The following FHAD1 variants were observed in gnomAD, a reference collection of about 807,000 sequenced individuals.
The protein encoded by FHAD1 is forkhead associated phosphopeptide binding domain 1.
A neutral mutation model predicts 191.3 loss-of-function variants in FHAD1; 146 were observed. The ratio of observed to expected loss-of-function variants is 0.76; its 90% CI spans 0.67 to 0.88. The LOEUF (loss-of-function observed/expected upper bound fraction) is 0.88, where lower values mean the gene tolerates loss of function less well. FHAD1 is among the 40% of genes least tolerant of loss of function. FHAD1 has a pLI of 0.00. For missense variants in FHAD1, 1,635 were observed against 1,785.8 expected (o/e 0.92, Z 1.52); for synonymous variants, 616 against 672.3 (o/e 0.92, Z 1.29).
intron 25 of FHAD1, among the ~76,000 whole-genome samples, 198 bp from the exon 26 acceptor site, chr1:15,369,172 G>A (rs756801536): frequency 1.3e-5 from 2 of 152,236 alleles, no homozygotes; most frequent in Non-Finnish European, 1.5e-5. Flanking sequence ...AGGAACCAAG[G>A]GCAGGTGTTC....
intron 19 of FHAD1, among the ~76,000 whole-genome samples, chr1:15,349,430 G>T: frequency 6.6e-6 from 1 of 152,188 alleles, no homozygotes; most frequent in East Asian, 1.9e-4. Context: ...GAGGGCCCTC[G>T]GGAAGATTTT....
rs1200009228 is a variant in FHAD1, at chr1:15,240,970, AAAAAAAG to A, written c.-15+4213_-15+4219del. Among the ~76,000 whole-genome samples the A allele has an allele frequency of 1.1e-4, 16 of 146,166 alleles. 1 individual carries two copies. The South Asian group carries it at 1.7e-3, about 15-fold the overall frequency. Reference sequence around the variant, plus strand: ...AGACTCTATCTCAAAAAAAAAAAAAAAAAAAAGAAAGAAAGAAAGAAAGCAGATGCAG... The same window carrying A: ...AGACTCTATCTCAAAAAAAAAAAAAAAAAGAAAGAAAGAAAGCAGATGCAG... On this transcript the variant is annotated intron_variant, in intron 1 of 33. Coordinates refer to the FHAD1 transcript ENST00000683790.
intron 19 of FHAD1, 144 bp from the exon 20 acceptor site, chr1:15,352,733 G>T (rs1691315161): frequency 6.3e-6 from 4 of 637,634 alleles, no homozygotes; most frequent in South Asian, 1.9e-5. Flanking sequence ...TCTCACCTCT[G>T]TCCCCAGTGG....
At chr1:15,366,021 C>T (rs529874702) in intron 24 of FHAD1, 88 bp downstream of exon 24, 12 of 902,736 alleles carry the variant, frequency 1.3e-5, no homozygotes, top group East Asian at 1.1e-4. Context: ...GGCGCAGTGG[C>T]GCACGCCTAT....
chr1:15,331,536 A>G (rs1179331382), intron 14 of FHAD1, among the ~76,000 whole-genome samples: 1 of 118,636 alleles, frequency 8.4e-6, no homozygotes, highest in African/African-American at 3.2e-5. Context: ...GGATGAAAGG[A>G]TGGATGGAAG....
chr1:15,296,622 T>A (rs531726453), intron 4 of FHAD1, 62 bp from the exon 5 acceptor site: 2 of 1,306,642 alleles, frequency 1.5e-6, no homozygotes, highest in South Asian at 2.5e-5. Context: ...CGTGAACATC[T>A]TCTTCAGGCC....
chr1:15,323,814 G>T (rs1054710931), intron 10 of FHAD1, among the ~76,000 whole-genome samples: 8 of 152,188 alleles, frequency 5.3e-5, no homozygotes, highest in Non-Finnish European at 2.9e-5. Flanking sequence ...CACTTTAAAC[G>T]CCTTCTTTTG....
At chr1:15,330,126 A>G (rs1558131536) in intron 14 of FHAD1, 1 of 152,950 alleles carries the variant, frequency 6.5e-6, no homozygotes, top group African/African-American at 2.4e-5. Flanking sequence ...GACCTACATC[A>G]TCGCTGTTAC....
At chr1:15,394,711 A>T (rs1223704356) in intron 33 of FHAD1, among the ~76,000 whole-genome samples, 1 of 152,156 alleles carries the variant, frequency 6.6e-6, no homozygotes, top group East Asian at 1.9e-4. Flanking sequence ...CAGGATCGAT[A>T]TTCATCCCTA....
At chr1:15,270,812 C>T (rs1467519700) in intron 2 of FHAD1, among the ~76,000 whole-genome samples, 2 of 149,284 alleles carry the variant, frequency 1.3e-5, no homozygotes, top group Non-Finnish European at 3.0e-5. Flanking sequence ...GAGGCTGGGG[C>T]GTGCGGATCA....
intron 8 of FHAD1, among the ~76,000 whole-genome samples, chr1:15,314,061 A>AAATAATAATAAT (rs59696318): frequency 1.8e-4 from 27 of 146,408 alleles, no homozygotes; most frequent in East Asian, 9.9e-4. Flanking sequence ...ACTCCGTCTC[A>AAATAATAATAAT]AATAATAATA....
intron 5 of FHAD1, among the ~76,000 whole-genome samples, chr1:15,298,812 G>A (rs1667720482): frequency 6.6e-6 from 1 of 152,108 alleles, no homozygotes; most frequent in Admixed American, 6.5e-5. Flanking sequence ...TACTATTTAT[G>A]AAATATTTAT....
upstream of FHAD1, among the ~76,000 whole-genome samples, chr1:15,244,164 T>C (rs188966300): frequency 7.2e-5 from 11 of 152,276 alleles, no homozygotes; most frequent in Admixed American, 5.2e-4. The surrounding 1 kb of genome is among the most constrained non-coding windows in gnomAD (Gnocchi z 5.1). Flanking sequence ...TTATTGGGTA[T>C]TTGATTTTCT....
intron 2 of FHAD1, among the ~76,000 whole-genome samples, chr1:15,272,003 C>A (rs1656249034): frequency 6.6e-6 from 1 of 152,078 alleles, no homozygotes; most frequent in African/African-American, 2.4e-5. Flanking sequence ...ATGGCCAATT[C>A]CCTGGTCCCA....
chr1:15,310,657 G>A (rs570088756), intron 7 of FHAD1, among the ~76,000 whole-genome samples: 4 of 152,296 alleles, frequency 2.6e-5, no homozygotes, highest in East Asian at 3.9e-4. Context: ...CTGACCTTCC[G>A]ATCAGAATCT....
chr1:15,273,738 T>C (rs755629917), intron 3 of FHAD1, among the ~76,000 whole-genome samples: 1 of 152,200 alleles, frequency 6.6e-6, no homozygotes, highest in Non-Finnish European at 1.5e-5. Flanking sequence ...AAAATACATA[T>C]AACATGAAAT....
At chr1:15,262,396 G>A (rs1284830150) in intron 2 of FHAD1, among the ~76,000 whole-genome samples, 2 of 151,908 alleles carry the variant, frequency 1.3e-5, no homozygotes, top group African/African-American at 4.8e-5. Flanking sequence ...TGAGGAAACT[G>A]AGGTCCCAAG....
chr1:15,241,777 G>A (rs1262850767), intron 1 of FHAD1, among the ~76,000 whole-genome samples: 2 of 152,206 alleles, frequency 1.3e-5, no homozygotes, highest in African/African-American at 4.8e-5. Context: ...AGACTTCTAG[G>A]AGTGCTGGTG....
chr1:15,251,357 C>T (rs1646760164), intron 1 of FHAD1, among the ~76,000 whole-genome samples: 1 of 151,794 alleles, frequency 6.6e-6, no homozygotes, highest in Non-Finnish European at 1.5e-5. Flanking sequence ...CACCCAAGGT[C>T]ACAGAGCTAG....
Sources: allele counts gnomAD v4.1 joint callset (sites outside exome capture counted in the v4.1 genomes callset), GRCh38; gene constraint gnomAD v4.1.1; non-coding constraint Gnocchi (gnomAD v3.1); transcripts MANE v1.5; gene names NCBI Gene and HGNC (gene_info 2026-07-23, HGNC 2026-07-21).